Variants in TBC1D4 observed in about 807,000 individuals in gnomAD.
TBC1D4 encodes TBC1 domain family member 4, also known as TBC (Tre-2, BUB2, CDC16) domain-containing protein.
In TBC1D4, 121 loss-of-function variants were observed where a neutral mutation model predicts 142.5. That is an observed-to-expected ratio of 0.85 (90% CI 0.73 to 0.99). The LOEUF is 0.99. Ranked by LOEUF, TBC1D4 falls within the 50% of genes least tolerant of loss-of-function variation. TBC1D4 has a pLI of 0.00. For missense variants in TBC1D4, 1,475 were observed against 1,606.6 expected (o/e 0.92, Z 1.40); for synonymous variants, 630 against 628.2 (o/e 1.00, Z -0.04).
At chr13:75,357,628 A>T (rs926239376) in intron 3 of TBC1D4, among the ~76,000 whole-genome samples, 1 of 152,224 alleles carries the variant, frequency 6.6e-6, no homozygotes. Flanking sequence ...TGTTTCCAGG[A>T]AAGAAAACCA....
chr13:75,362,540 CTGGGTTTGG>C lies in TBC1D4; in HGVS notation c.557_565del (p.Ala186_Ser189delinsGly). The C allele has an allele frequency of 6.2e-7, 1 of 1,614,208 alleles. No homozygotes were observed. Among genetic ancestry groups the C allele is most frequent in the Non-Finnish European group, 8.5e-7 (1 of 1,180,038 alleles). On this transcript the variant is annotated inframe_deletion, in exon 2 of 21. Coordinates refer to ENST00000377636, the MANE Select transcript of TBC1D4 (RefSeq NM_014832.5). This position sits in a 1 kb window ranked among gnomAD's most constrained non-coding sequence, Gnocchi z 4.2. The stretch of plus-strand genomic sequence containing the variant: ...GTAAAAGGCGTCCTCATTATCTTTG[CTGGGTTTGG>C]CATCCTCTTTCATGGCCGCTTTAGA...
At chr13:75,328,705 A>G (rs1879483843) in intron 8 of TBC1D4, among the ~76,000 whole-genome samples, 1 of 152,232 alleles carries the variant, frequency 6.6e-6, no homozygotes, top group Non-Finnish European at 1.5e-5. Flanking sequence ...AGTCAGATCC[A>G]TGTGACAGTG....
chr13:75,288,864 A>T (rs1465291397), intron 20 of TBC1D4, 70 bp downstream of exon 20: 2 of 1,520,532 alleles, frequency 1.3e-6, no homozygotes, highest in Non-Finnish European at 1.8e-6. Context: ...TATCCCTTTC[A>T]TTCCTGAGGT....
chr13:75,413,370 C>T (rs1167040649), intron 1 of TBC1D4, among the ~76,000 whole-genome samples: 2 of 152,128 alleles, frequency 1.3e-5, no homozygotes, highest in Admixed American at 6.5e-5. Context: ...CCATGTTGGC[C>T]AGGGTGGTCT....
intron 11 of TBC1D4, among the ~76,000 whole-genome samples, chr13:75,320,674 G>C (rs1206115460): frequency 6.6e-6 from 1 of 151,874 alleles, no homozygotes; most frequent in Non-Finnish European, 1.5e-5. Context: ...CAGGATAGTG[G>C]TCCTGGAAAT....
intron 12 of TBC1D4, among the ~76,000 whole-genome samples, chr13:75,319,577 G>A (rs1484053575): frequency 3.9e-5 from 6 of 152,164 alleles, no homozygotes; most frequent in Admixed American, 6.5e-5. Flanking sequence ...AGAAATAGAC[G>A]AATAATCCTC....
Position 75,286,774 on chromosome 13 carries a change from G to A in TBC1D4, c.*18C>T. The A allele has an allele frequency of 6.2e-7, 1 of 1,610,866 alleles. No homozygotes were observed. ...AGTATTCTAAGGAGCACTTTCTGCTGAGGCCGTGCCTCTTCAATTATGGCT... is the reference window on the plus strand; with the variant it reads ...AGTATTCTAAGGAGCACTTTCTGCTAAGGCCGTGCCTCTTCAATTATGGCT... On this transcript the variant is annotated 3_prime_UTR_variant, in exon 21 of 21. Transcript: ENST00000377636.
At position 75,312,763 on chromosome 13, in the gene TBC1D4, T is replaced by C. The variant is rs1442114407; in HGVS notation, c.2358A>G (p.Lys786=). The C allele has an allele frequency of 6.2e-7, 1 of 1,614,148 alleles. No individual in the cohort carries two copies. The highest frequency in any genetic ancestry group is 1.1e-5 in the South Asian group (1 of 91,084). Residue 786 remains lysine (K), a synonymous_variant, in exon 13 of 21, where the codon AAA becomes AAG. Transcript: ENST00000377636. ...IFLRVASPMN[K]SPSAMQQQDG... Reference sequence around the variant, plus strand: ...CTTGCTGTTGCATTGCTGAGGGAGATTTGTTCATGGGAGAAGCAACCCTGA... The same window carrying C: ...CTTGCTGTTGCATTGCTGAGGGAGACTTGTTCATGGGAGAAGCAACCCTGA...
intron 1 of TBC1D4, among the ~76,000 whole-genome samples, chr13:75,449,103 C>G (rs911259021): frequency 2.0e-5 from 3 of 151,770 alleles, no homozygotes; most frequent in African/African-American, 7.3e-5. Flanking sequence ...ACTTACATTA[C>G]CTAATATTAA....
chr13:75,303,579 T>G (rs566087329), intron 15 of TBC1D4, among the ~76,000 whole-genome samples: 1 of 152,048 alleles, frequency 6.6e-6, no homozygotes, highest in Non-Finnish European at 1.5e-5. Context: ...TCACTAAGAG[T>G]TTTCAGTTTG....
chr13:75,286,585 A>T lies in TBC1D4; in HGVS notation c.*207T>A, dbSNP rs1385094839. 1.7e-6 allele frequency: 1 copy of T among 575,762 alleles called. No individual in the cohort carries two copies. The highest frequency in any genetic ancestry group is 2.9e-5 in the East Asian group (1 of 34,354). 35.7% of individuals were successfully genotyped at this position (575,762 alleles called of 1,614,324 possible). A position where few individuals can be genotyped will look rare whatever the true frequency, so the allele number is the denominator to read the frequency against. On this transcript the variant is annotated 3_prime_UTR_variant, in exon 21 of 21. Transcript: ENST00000377636. ...TATATATATTTATATGTACATAGCAACAACAAAAACCAGTCTACATATGTC... is the reference window on the plus strand; with the variant it reads ...TATATATATTTATATGTACATAGCATCAACAAAAACCAGTCTACATATGTC...
chr13:75,399,560 T>C (rs1884975041), intron 1 of TBC1D4, among the ~76,000 whole-genome samples: 1 of 152,230 alleles, frequency 6.6e-6, no homozygotes, highest in Non-Finnish European at 1.5e-5. Flanking sequence ...CGTGATTTAA[T>C]GAATGCAATT....
In TBC1D4 at chr13:75,286,701, T is replaced by G; in HGVS notation, c.*91A>C. 1 of 1,333,822 alleles carries G rather than the reference T, an allele frequency of 7.5e-7. No individual in the cohort carries two copies. The highest frequency in any genetic ancestry group is 2.5e-5 in the East Asian group (1 of 40,446). The allele number at this position is 1,333,822 out of a possible 1,614,324, so 82.6% of individuals were successfully genotyped here. ...ACCAGTATTAGGTGGTTCCATCAGCTTCAGGGTCCAGCCTTGGGCCAGCGA... is the reference window on the plus strand; with the variant it reads ...ACCAGTATTAGGTGGTTCCATCAGCGTCAGGGTCCAGCCTTGGGCCAGCGA... On this transcript the variant is annotated 3_prime_UTR_variant, in exon 21 of 21. Transcript: ENST00000377636.
intron 1 of TBC1D4, among the ~76,000 whole-genome samples, chr13:75,460,736 C>T (rs1887932743): frequency 6.6e-6 from 1 of 151,888 alleles, no homozygotes; most frequent in African/African-American, 2.4e-5. Flanking sequence ...GCCTGGGCAA[C>T]ACAGCGAGAC....
chr13:75,355,724 A>G (rs1272269000), intron 4 of TBC1D4, among the ~76,000 whole-genome samples: 1 of 152,202 alleles, frequency 6.6e-6, no homozygotes, highest in East Asian at 1.9e-4. Flanking sequence ...AGAAGGGGCT[A>G]ATAAAATAAA....
chr13:75,315,351 A>AAT (rs144293371), intron 12 of TBC1D4, among the ~76,000 whole-genome samples: 4,383 of 142,190 alleles, frequency 0.031, 99 homozygotes, highest in South Asian at 0.13. Context: ...CTGAATATTG[A>AAT]ATATATATAT....
At chr13:75,287,049 C>G in intron 20 of TBC1D4, 24 bp from the exon 21 acceptor site, 2 of 1,588,224 alleles carry the variant, frequency 1.3e-6, no homozygotes, top group East Asian at 4.5e-5. Flanking sequence ...AAAAAATCCT[C>G]CAAATCAAAT....
At chr13:75,404,155 A>G (rs765911784) in intron 1 of TBC1D4, among the ~76,000 whole-genome samples, 11 of 152,150 alleles carry the variant, frequency 7.2e-5, no homozygotes, top group Non-Finnish European at 1.5e-4. Flanking sequence ...GTGAACAATC[A>G]CTAGATTTTT....
chr13:75,433,360 C>T (rs1037556302), intron 1 of TBC1D4, among the ~76,000 whole-genome samples: 1 of 152,054 alleles, frequency 6.6e-6, no homozygotes, highest in Non-Finnish European at 1.5e-5. Context: ...TTTTTAAGGG[C>T]TCATAGATTC....
Sources: gnomAD v4.1 joint callset for allele counts (sites outside exome capture counted in the v4.1 genomes callset) on GRCh38, gnomAD v4.1.1 for gene constraint, Gnocchi (gnomAD v3.1) non-coding constraint, MANE v1.5 for transcripts, NCBI Gene and HGNC (gene_info 2026-07-23, HGNC 2026-07-21) for gene names.